The following ZNF385D variants were observed in gnomAD, a reference collection of about 807,000 sequenced individuals.
ZNF385D encodes the protein zinc finger protein 659.
ZNF385D carries 15 observed loss-of-function variants against 35.8 expected under a neutral mutation model. The observed-to-expected ratio is 0.42, with a 90% confidence interval of 0.28 to 0.64. The LOEUF is 0.64. ZNF385D is among the 30% of genes least tolerant of loss of function. The probability of loss-of-function intolerance (pLI) is 0.23; values close to 1 mark genes in which losing one functional copy is unlikely to be tolerated. For synonymous variants in ZNF385D, 212 were observed against 186.8 expected, an observed-to-expected ratio of 1.13 and a Z score of -1.10; for missense variants, 474 against 494.6, an observed-to-expected ratio of 0.96 and a Z score of 0.39.
chr3:21,756,444 T>C (rs757734956), intron 3 of ZNF385D, among the ~76,000 whole-genome samples: 6 of 152,098 alleles, frequency 3.9e-5, no homozygotes, highest in Non-Finnish European at 5.9e-5. Context: ...GTCTGGTTTG[T>C]CATTCTTATT....
At chr3:21,961,475 T>G (rs1335475602) in intron 3 of ZNF385D, 3 of 152,318 alleles carry the variant, frequency 2.0e-5, no homozygotes, top group Non-Finnish European at 2.9e-5. Context: ...ATGAAGTAAC[T>G]ATTGAATTGT....
intron 4 of ZNF385D, chr3:21,443,395 T>C (rs411410): frequency 0.94 from 919,902 of 977,780 alleles, 432,747 homozygotes; most frequent in East Asian, 1. Context: ...TCCATTTGTA[T>C]GCTCGGTCCT....
At chr3:22,281,636 T>G (rs1441986348) in intron 2 of ZNF385D, among the ~76,000 whole-genome samples, 2 of 151,980 alleles carry the variant, frequency 1.3e-5, no homozygotes, top group Non-Finnish European at 2.9e-5. Flanking sequence ...TGGATCAAGT[T>G]AGCTAGCATT....
intron 2 of ZNF385D, among the ~76,000 whole-genome samples, chr3:21,622,919 C>T (rs1002288513): frequency 6.6e-6 from 1 of 151,866 alleles, no homozygotes. Flanking sequence ...TATAGCTTGC[C>T]CCAGATGAAA....
At chr3:21,758,995 A>AC (rs1326363363) in intron 3 of ZNF385D, among the ~76,000 whole-genome samples, 4 of 148,292 alleles carry the variant, frequency 2.7e-5, no homozygotes, top group Non-Finnish European at 5.9e-5. Flanking sequence ...AAAAAAAAAA[A>AC]AAAAAAAAAA....
intron 2 of ZNF385D, among the ~76,000 whole-genome samples, chr3:22,201,429 C>T (rs1425330621): frequency 1.3e-5 from 2 of 152,034 alleles, no homozygotes; most frequent in African/African-American, 4.8e-5. Flanking sequence ...AATATGTTTA[C>T]ATATACATGT....
chr3:22,370,823 GTTA>G (rs1026299809), intron 2 of ZNF385D, among the ~76,000 whole-genome samples: 10 of 152,170 alleles, frequency 6.6e-5, no homozygotes, highest in African/African-American at 2.4e-4. Flanking sequence ...CATTTTAGGT[GTTA>G]TTATTATTAG....
intron 2 of ZNF385D, among the ~76,000 whole-genome samples, chr3:21,634,309 A>G (rs2065364138): frequency 6.6e-6 from 1 of 150,656 alleles, no homozygotes; most frequent in Non-Finnish European, 1.5e-5. Context: ...AGAGGAAGGG[A>G]AGGGAGAAAG....
chr3:22,323,730 T>C (rs1455483672), intron 2 of ZNF385D, among the ~76,000 whole-genome samples: 3 of 152,226 alleles, frequency 2.0e-5, no homozygotes, highest in Admixed American at 6.5e-5. Context: ...AGCTTTATTA[T>C]GTACTTAAAA....
At chr3:21,429,924 G>T (rs1191906059) in intron 5 of ZNF385D, among the ~76,000 whole-genome samples, 3 of 149,942 alleles carry the variant, frequency 2.0e-5, no homozygotes, top group Non-Finnish European at 4.5e-5. Context: ...ATGCAAAGCT[G>T]TTTTTTTTTG....
chr3:22,285,388 A>G (rs2358586), intron 2 of ZNF385D, among the ~76,000 whole-genome samples: 22,262 of 152,046 alleles, frequency 0.15, 3,482 homozygotes, highest in African/African-American at 0.4. Flanking sequence ...TTTATTTTTC[A>G]TTTAGTCAGT....
chr3:21,672,493 C>T (rs1267274507), intron 1 of ZNF385D, among the ~76,000 whole-genome samples: 1 of 151,920 alleles, frequency 6.6e-6, no homozygotes, highest in Non-Finnish European at 1.5e-5. Context: ...TGCTTATGAC[C>T]ACAGAGAGGA....
intron 2 of ZNF385D, among the ~76,000 whole-genome samples, chr3:22,276,255 A>G (rs1701421413): frequency 6.6e-6 from 1 of 152,140 alleles, no homozygotes; most frequent in South Asian, 2.1e-4. Context: ...CTTCAGCAAA[A>G]AAGTTCAGAA....
chr3:21,615,817 T>TGTGTGTGTGTGTGTGTG (rs1559462215), intron 2 of ZNF385D, among the ~76,000 whole-genome samples: 37 of 150,396 alleles, frequency 2.5e-4, no homozygotes, highest in South Asian at 6.3e-4. Context: ...TGTGTGTGTG[T>TGTGTGTGTGTGTGTGTG]TTACTGGTTA....
chr3:22,168,756 G>C (rs1286922854), intron 3 of ZNF385D: 1 of 924,874 alleles, frequency 1.1e-6, no homozygotes, highest in South Asian at 5.0e-5. Context: ...CACATCTGCA[G>C]GTACACAAAT....
chr3:21,817,533 T>G (rs2125723547), intron 3 of ZNF385D, among the ~76,000 whole-genome samples: 1 of 152,278 alleles, frequency 6.6e-6, no homozygotes, highest in South Asian at 2.1e-4. Context: ...CAGACACTTC[T>G]CAAAATAAGA....
chr3:22,149,159 G>A (rs3912829), intron 3 of ZNF385D, among the ~76,000 whole-genome samples: 34,311 of 151,902 alleles, frequency 0.23, 4,015 homozygotes, highest in Middle Eastern at 0.27. Flanking sequence ...TTAGACCCCC[G>A]GCTGATTTGT....
At chr3:21,489,085 T>A (rs1705230457) in intron 4 of ZNF385D, among the ~76,000 whole-genome samples, 1 of 152,104 alleles carries the variant, frequency 6.6e-6, no homozygotes, top group Admixed American at 6.6e-5. Flanking sequence ...GACTGAAACC[T>A]GTTAAAATGC....
intron 2 of ZNF385D, among the ~76,000 whole-genome samples, chr3:22,188,135 A>G (rs34413055): frequency 0.17 from 26,594 of 152,134 alleles, 2,498 homozygotes; most frequent in African/African-American, 0.2. Context: ...CCTAATTTTC[A>G]AAGTTTATTC....
Sources: allele counts gnomAD v4.1 joint callset (sites outside exome capture counted in the v4.1 genomes callset), GRCh38; gene constraint gnomAD v4.1.1; transcripts MANE v1.5; gene names NCBI Gene and HGNC (gene_info 2026-07-23, HGNC 2026-07-21).